The following HDAC8 variants were observed in gnomAD, a reference collection of about 807,000 sequenced individuals.
The protein encoded by HDAC8 is histone deacetylase-like 1.
A neutral mutation model predicts 32.2 loss-of-function variants in HDAC8; 1 was observed. The ratio of observed to expected loss-of-function variants is 0.03; its 90% CI spans 0.01 to 0.15. HDAC8 has a LOEUF of 0.15. HDAC8 is among the 10% of genes least tolerant of loss of function. HDAC8 has a pLI of 1.00. For synonymous variants in HDAC8, 108 were observed against 113.9 expected (o/e 0.95, Z 0.33); for missense variants, 117 against 300.0 (o/e 0.39, Z 4.51).
chrX:72,377,588 G>A lies in HDAC8; in HGVS notation c.1006-25750C>T, dbSNP rs374395154. ...ATGTTTTGGTGCTCTGTTGTTAGGT[G>A]ACATATATTTATAATTTTGTCTATT... On this transcript the variant is annotated intron_variant, in intron 9 of 10. Transcript: ENST00000373573. 2.7e-5 allele frequency among the ~76,000 whole-genome samples: 3 copies of A among 111,534 alleles called. No individual in the cohort carries two copies. In the Admixed American group the frequency reaches 2.9e-4, roughly 11 times the overall value.
chrX:72,411,033 T>TC (rs1381472910), intron 9 of HDAC8, among the ~76,000 whole-genome samples: 5 of 103,275 alleles, frequency 4.8e-5, no homozygotes, highest in Admixed American at 1.0e-4. Flanking sequence ...TTTCTTTCTT[T>TC]TTTTTTTTTT....
chrX:72,351,297 G>T (rs1398236520), intron 10 of HDAC8: 2 of 184,872 alleles, frequency 1.1e-5, no homozygotes, highest in South Asian at 1.5e-4. Context: ...ATGGAATCTC[G>T]CTGTGTTGCT....
intron 9 of HDAC8, among the ~76,000 whole-genome samples, chrX:72,352,967 A>T (rs983039282): frequency 8.9e-6 from 1 of 112,329 alleles, no homozygotes; most frequent in Admixed American, 9.4e-5. Context: ...ATGGTCCTTA[A>T]CATTATGTGC....
intron 4 of HDAC8, among the ~76,000 whole-genome samples, chrX:72,548,837 T>C (rs2050961090): frequency 9.0e-6 from 1 of 111,512 alleles, no homozygotes; most frequent in Middle Eastern, 4.2e-3. Flanking sequence ...GCCCAGCTAA[T>C]TTTCTAATTC....
intron 5 of HDAC8, among the ~76,000 whole-genome samples, chrX:72,494,927 T>C (rs1268302571): frequency 3.6e-5 from 4 of 111,444 alleles, no homozygotes; most frequent in African/African-American, 1.3e-4. Context: ...CTCTATTAGT[T>C]CTAGAGGCTT....
chrX:72,473,931 G>A (rs782100119), intron 7 of HDAC8: 60 of 721,743 alleles, frequency 8.3e-5, no homozygotes, highest in Non-Finnish European at 9.7e-5. Flanking sequence ...AATCTTCTTT[G>A]CAACTTCTCC....
chrX:72,368,122 A>G (rs1324888301), intron 9 of HDAC8, among the ~76,000 whole-genome samples: 2 of 112,341 alleles, frequency 1.8e-5, no homozygotes, highest in Non-Finnish European at 1.9e-5. Context: ...GAGATACATT[A>G]ATGGAAACTC....
intron 4 of HDAC8, among the ~76,000 whole-genome samples, chrX:72,528,027 C>T (rs1341148810): frequency 2.7e-5 from 3 of 110,662 alleles, no homozygotes; most frequent in Non-Finnish European, 5.7e-5. Context: ...CCACCCACCT[C>T]GGCCTCCCAA....
chrX:72,383,551 C>G (rs1159086631), intron 9 of HDAC8, among the ~76,000 whole-genome samples: 1 of 112,237 alleles, frequency 8.9e-6, no homozygotes, highest in Non-Finnish European at 1.9e-5. Context: ...CAAAGAATTG[C>G]TTTTGTGAAT....
chrX:72,528,987 C>T (rs1969887690), intron 4 of HDAC8, among the ~76,000 whole-genome samples: 2 of 112,061 alleles, frequency 1.8e-5, no homozygotes, highest in African/African-American at 6.5e-5. Context: ...TAATTATTTA[C>T]CTGGTATCTA....
At chrX:72,539,882 A>G (rs1340379437) in intron 4 of HDAC8, among the ~76,000 whole-genome samples, 1 of 112,295 alleles carries the variant, frequency 8.9e-6, no homozygotes, top group Non-Finnish European at 1.9e-5. Context: ...TACAGCTCTC[A>G]AGCACATTGT....
chrX:72,562,043 T>A (rs1416385258), intron 4 of HDAC8, among the ~76,000 whole-genome samples: 1 of 112,128 alleles, frequency 8.9e-6, no homozygotes, highest in South Asian at 3.7e-4. Context: ...GATGTTGTTA[T>A]GGATGTGGTG....
intron 9 of HDAC8, among the ~76,000 whole-genome samples, chrX:72,386,587 T>C (rs2045435344): frequency 8.9e-6 from 1 of 112,087 alleles, no homozygotes; most frequent in Non-Finnish European, 1.9e-5. Context: ...AGAGCACTTA[T>C]GAACCCGGTA....
chrX:72,530,509 T>G (rs1569375789), intron 4 of HDAC8, among the ~76,000 whole-genome samples: 1 of 107,740 alleles, frequency 9.3e-6, no homozygotes, highest in Non-Finnish European at 1.9e-5. Flanking sequence ...CTTAAGATCC[T>G]AAAGGGCAGA....
At chrX:72,336,897 A>G (rs1263353631) in intron 10 of HDAC8, among the ~76,000 whole-genome samples, 3 of 110,694 alleles carry the variant, frequency 2.7e-5, no homozygotes, top group Non-Finnish European at 5.7e-5. Flanking sequence ...CTACAGGCAC[A>G]TGCTACCATG....
intron 9 of HDAC8, among the ~76,000 whole-genome samples, chrX:72,395,380 A>G (rs2045733472): frequency 9.0e-6 from 1 of 111,731 alleles, no homozygotes; most frequent in Non-Finnish European, 1.9e-5. Context: ...GAAGGGAGAC[A>G]AAAATTGGGA....
intron 5 of HDAC8, among the ~76,000 whole-genome samples, chrX:72,492,457 G>C (rs1220514035): frequency 2.7e-5 from 3 of 111,102 alleles, no homozygotes; most frequent in African/African-American, 9.8e-5. Context: ...TGGGAAAGAG[G>C]AGAGTAGTTA....
At chrX:72,489,296 T>C (rs1057040384) in intron 6 of HDAC8, 2 of 442,628 alleles carry the variant, frequency 4.5e-6, no homozygotes, top group Non-Finnish European at 8.2e-6. Context: ...TAGGTTGACA[T>C]AACATCAATT....
intron 4 of HDAC8, among the ~76,000 whole-genome samples, chrX:72,503,802 G>A (rs977208856): frequency 1.3e-4 from 15 of 111,952 alleles, no homozygotes; most frequent in Non-Finnish European, 2.6e-4. Context: ...ACACTTTTAA[G>A]GAACTAAGGC....
Sources: gnomAD v4.1 joint callset for allele counts (sites outside exome capture counted in the v4.1 genomes callset) on GRCh38, gnomAD v4.1.1 for gene constraint, MANE v1.5 for transcripts, NCBI Gene and HGNC (gene_info 2026-07-23, HGNC 2026-07-21) for gene names.